Variants in PDE1C observed in about 807,000 individuals in gnomAD.
PDE1C encodes the protein phosphodiesterase 1C.
A neutral mutation model predicts 93.1 loss-of-function variants in PDE1C; 62 were observed. The ratio of observed to expected loss-of-function variants is 0.67; its 90% confidence interval spans 0.54 to 0.82. PDE1C has a LOEUF of 0.82. Among genes scored for constraint, PDE1C ranks in the 40% least tolerant of loss-of-function variants. PDE1C has a pLI of 0.00. For missense variants in PDE1C, 742 were observed against 884.6 expected, an observed-to-expected ratio of 0.84 and a Z score of 2.04; for synonymous variants, 325 against 310.1, an observed-to-expected ratio of 1.05 and a Z score of -0.50.
chr7:32,179,795 G>C (rs1435871206), intron 2 of PDE1C, among the ~76,000 whole-genome samples: 1 of 152,170 alleles, frequency 6.6e-6, no homozygotes, highest in African/African-American at 2.4e-5. Context: ...TCTGACAAGT[G>C]ACTCATCAAC....
At chr7:31,626,637 G>A in the PDE1C span, among the ~76,000 whole-genome samples, 25 of 152,104 alleles carry the variant, frequency 1.6e-4, no homozygotes, top group Admixed American at 9.2e-4. Flanking sequence ...TTGACATGTC[G>A]GTGACACCAT....
chr7:31,758,324 A>T (rs984529241), intron 17 of PDE1C, among the ~76,000 whole-genome samples: 2 of 152,120 alleles, frequency 1.3e-5, no homozygotes, highest in African/African-American at 4.8e-5. Context: ...AATTAAAAAA[A>T]AATTATGCTA....
the PDE1C span, among the ~76,000 whole-genome samples, chr7:31,730,154 C>T: frequency 1.3e-5 from 2 of 152,158 alleles, no homozygotes; most frequent in East Asian, 1.9e-4. Flanking sequence ...CGTCCTTTCC[C>T]ATCATATTCC....
At chr7:31,730,090 A>G in the PDE1C span, among the ~76,000 whole-genome samples, 1 of 152,166 alleles carries the variant, frequency 6.6e-6, no homozygotes, top group Non-Finnish European at 1.5e-5. Context: ...AGTAAGTGAG[A>G]TCATGCATTT....
At chr7:32,242,967 A>G (rs796970429) in intron 1 of PDE1C, among the ~76,000 whole-genome samples, 7 of 152,338 alleles carry the variant, frequency 4.6e-5, no homozygotes, top group African/African-American at 1.7e-4. Context: ...GATACAGTAC[A>G]GTCAGATTCA....
intron 8 of PDE1C, 75 bp from the exon 9 acceptor site, chr7:31,848,171 C>T (rs112374297): frequency 9.9e-5 from 140 of 1,420,418 alleles, no homozygotes; most frequent in Non-Finnish European, 1.1e-4. Flanking sequence ...CAGGCTAGAA[C>T]GCACCACCAC....
rs548415451 is a variant in PDE1C, at chr7:31,866,579, T to C, written c.610-1497A>G. 2.0e-5 allele frequency among the ~76,000 whole-genome samples: 3 copies of C among 152,218 alleles called. No homozygotes were observed. In the South Asian group the frequency reaches 6.2e-4, roughly 32 times the overall value. The stretch of plus-strand genomic sequence containing the variant: ...TATTTGTGGTCATGTAAAGACATAT[T>C]TCCTCAGTGGGAGGGGCTTCAAGAT... On this transcript the variant is annotated intron_variant, in intron 6 of 17. Transcript: ENST00000396191.
chr7:31,705,775 C>T, the PDE1C span, among the ~76,000 whole-genome samples: 3 of 151,802 alleles, frequency 2.0e-5, no homozygotes, highest in East Asian at 1.9e-4. Context: ...GGAGGCAGTG[C>T]GAGGCAGTGG....
the PDE1C span, among the ~76,000 whole-genome samples, chr7:31,720,007 C>CA: frequency 3.3e-5 from 5 of 150,312 alleles, no homozygotes; most frequent in Non-Finnish European, 5.9e-5. Context: ...CTAAAAAATA[C>CA]AAAAAATTAG....
At chr7:31,651,761 A>G in the PDE1C span, among the ~76,000 whole-genome samples, 1 of 137,854 alleles carries the variant, frequency 7.3e-6, no homozygotes, top group Non-Finnish European at 1.6e-5. Flanking sequence ...ATACTGCAAT[A>G]AAGTTGTTTT....
At chr7:32,056,810 T>C (rs1794180352) in intron 1 of PDE1C, among the ~76,000 whole-genome samples, 1 of 152,190 alleles carries the variant, frequency 6.6e-6, no homozygotes, top group Admixed American at 6.5e-5. Flanking sequence ...AGGTTGAAGA[T>C]TGCTTTTCCA....
chr7:32,080,588 C>T (rs918862500), intron 3 of PDE1C, among the ~76,000 whole-genome samples: 5 of 152,218 alleles, frequency 3.3e-5, no homozygotes, highest in South Asian at 2.1e-4. Context: ...AGCTATCTGG[C>T]GGAGAATTAC....
intron 2 of PDE1C, among the ~76,000 whole-genome samples, chr7:31,886,003 T>TG (rs1184122559): frequency 3.9e-5 from 6 of 152,232 alleles, no homozygotes; most frequent in East Asian, 3.9e-4. Context: ...CCTCTGAGGA[T>TG]GGGGGGGCAG....
chr7:31,974,078 G>A (rs189897096), intron 2 of PDE1C, among the ~76,000 whole-genome samples: 50 of 152,184 alleles, frequency 3.3e-4, no homozygotes, highest in African/African-American at 9.6e-4. Context: ...CTTGGTGTGG[G>A]CAATGTTTTT....
chr7:31,782,350 GATTA>G lies in PDE1C; in HGVS notation c.1892-6622_1892-6619del, dbSNP rs936522922. Among the ~76,000 whole-genome samples, 54 of 152,266 alleles carry G rather than the reference GATTA, an allele frequency of 3.5e-4. 1 individual carries two copies. Among genetic ancestry groups the G allele is most frequent in the African/African-American group, 1.2e-3 (50 of 41,536 alleles). On this transcript the variant is annotated intron_variant, in intron 16 of 17. Coordinates refer to ENST00000396191, the MANE Select transcript of PDE1C (RefSeq NM_001191057.4). ...CATAAGAAAATAAAGTATCTACAAT[GATTA>G]ATTGTTGGATGGGGTATTACAAGTG...
At chr7:32,409,135 T>C (rs1479486250) in intron 1 of PDE1C, among the ~76,000 whole-genome samples, 1 of 152,030 alleles carries the variant, frequency 6.6e-6, no homozygotes, top group Non-Finnish European at 1.5e-5. Flanking sequence ...GGTGGGCAGA[T>C]TGCTTAAGCC....
intron 1 of PDE1C, among the ~76,000 whole-genome samples, chr7:32,271,765 G>T (rs935067351): frequency 9.2e-5 from 14 of 152,144 alleles, no homozygotes; most frequent in African/African-American, 3.4e-4. Context: ...GCAAATGTTT[G>T]CAAAGAAAAT....
chr7:31,965,372 A>C (rs1350722376), intron 2 of PDE1C, among the ~76,000 whole-genome samples: 2 of 152,228 alleles, frequency 1.3e-5, no homozygotes, highest in East Asian at 3.8e-4. Flanking sequence ...TGGAAGACGA[A>C]ATGAATGAAA....
At chr7:32,253,904 G>A (rs1809583925) in intron 1 of PDE1C, among the ~76,000 whole-genome samples, 1 of 152,186 alleles carries the variant, frequency 6.6e-6, no homozygotes, top group Non-Finnish European at 1.5e-5. Context: ...TTTAAAATAG[G>A]AAAAGGGATT....
Sources: gnomAD v4.1 joint callset for allele counts (sites outside exome capture counted in the v4.1 genomes callset) on GRCh38, gnomAD v4.1.1 for gene constraint, MANE v1.5 for transcripts, NCBI Gene and HGNC (gene_info 2026-07-23, HGNC 2026-07-21) for gene names.